The following CHD6 variants were observed in gnomAD, a reference collection of about 807,000 sequenced individuals.
CHD6 encodes the protein chromodomain helicase DNA binding protein 6.
Under a neutral mutation model 276.9 loss-of-function variants are expected in CHD6, and 50 were observed. That is an observed-to-expected ratio of 0.18 (90% confidence interval 0.14 to 0.23). CHD6 has a LOEUF of 0.23. CHD6 is among the 10% of genes least tolerant of loss of function. The pLI is 1.00. For missense variants in CHD6, 2,564 were observed against 3,365.8 expected (o/e 0.76, Z 5.89); for synonymous variants, 1,173 against 1,229.3 (o/e 0.95, Z 0.96).
intron 1 of CHD6, among the ~76,000 whole-genome samples, chr20:41,585,573 T>C (rs2146246084): frequency 6.7e-6 from 1 of 149,730 alleles, no homozygotes; most frequent in Admixed American, 6.6e-5. Flanking sequence ...TGAAAGATGG[T>C]AAATTTACAG....
Position 41,455,787 on chromosome 20 carries a change from GA to G in CHD6, c.3009+12del. 1 of 1,511,914 alleles carries G rather than the reference GA, an allele frequency of 6.6e-7. No individual in the cohort carries two copies. Among genetic ancestry groups the G allele is most frequent in the Non-Finnish European group, 8.9e-7 (1 of 1,128,340 alleles). The allele number at this position is 1,511,914 out of a possible 1,614,324, so 93.7% of individuals were successfully genotyped here. A position where few individuals can be genotyped will look rare whatever the true frequency, so the allele number is the denominator to read the frequency against. ...CTCCCACCCCCAACAGCTCTGGAGA[GA>G]AGGCCCTGTACCTTGGCAAAAGTGG... On this transcript the variant is annotated intron_variant, in intron 19 of 36. Transcript: ENST00000373233.
At chr20:41,585,227 G>A (rs1358205444) in intron 1 of CHD6, among the ~76,000 whole-genome samples, 1 of 152,202 alleles carries the variant, frequency 6.6e-6, no homozygotes, top group Non-Finnish European at 1.5e-5. Flanking sequence ...AGAGTAGCCA[G>A]GTGTGGTGGC....
chr20:41,526,896 C>T (rs2044552197), intron 3 of CHD6, among the ~76,000 whole-genome samples: 1 of 152,128 alleles, frequency 6.6e-6, no homozygotes. Flanking sequence ...TGGGTTCCAC[C>T]CCAGACCTAA....
intron 16 of CHD6, among the ~76,000 whole-genome samples, chr20:41,479,161 T>TA (rs1413859170): frequency 1.3e-5 from 2 of 152,004 alleles, no homozygotes; most frequent in African/African-American, 2.4e-5. Context: ...AAAGGGTTTT[T>TA]AAAAAAACAG....
intron 1 of CHD6, among the ~76,000 whole-genome samples, chr20:41,574,904 C>T (rs1332257391): frequency 6.6e-6 from 1 of 152,150 alleles, no homozygotes; most frequent in Non-Finnish European, 1.5e-5. Context: ...ACAAAAGGAT[C>T]GAAGGCTACA....
At chr20:41,614,236 T>C (rs1363818092) in intron 1 of CHD6, among the ~76,000 whole-genome samples, 1 of 152,198 alleles carries the variant, frequency 6.6e-6, no homozygotes, top group Non-Finnish European at 1.5e-5. Flanking sequence ...TCTACTTATG[T>C]TTGGATTCCT....
At chr20:41,511,948 G>A (rs1353055588) in intron 5 of CHD6, among the ~76,000 whole-genome samples, 6 of 149,194 alleles carry the variant, frequency 4.0e-5, no homozygotes, top group African/African-American at 1.3e-4. Flanking sequence ...ACTTAACAGC[G>A]ATTTATTATA....
At chr20:41,509,589 G>A (rs945017307) in intron 5 of CHD6, among the ~76,000 whole-genome samples, 10 of 152,126 alleles carry the variant, frequency 6.6e-5, no homozygotes, top group African/African-American at 2.4e-4. Flanking sequence ...CAGACACAGA[G>A]CACAGCACAG....
At chr20:41,447,857 A>G in intron 24 of CHD6, 25 bp downstream of exon 24, 1 of 1,523,004 alleles carries the variant, frequency 6.6e-7, no homozygotes, top group Non-Finnish European at 9.1e-7. Flanking sequence ...TTTAACGTTG[A>G]TATGTTAAGT....
chr20:41,454,977 G>A (rs371655087), intron 19 of CHD6, among the ~76,000 whole-genome samples: 29 of 152,218 alleles, frequency 1.9e-4, no homozygotes, highest in African/African-American at 6.5e-4. Context: ...TGGAGCTTAA[G>A]CTTGGAAGCA....
Position 41,518,053 on chromosome 20 carries a change from GCT to G in CHD6, c.555-3103_555-3102del, listed in dbSNP as rs750126929. ...TCATAGATGTTGATAGTTTTTTATA[GCT>G]CTCTTAGAAAAAGGTTTCTTTGACA... On this transcript the variant is annotated intron_variant, in intron 3 of 36. Transcript: ENST00000373233. 4.5e-4 allele frequency among the ~76,000 whole-genome samples: 69 copies of G among 152,068 alleles called. 1 individual carries two copies. The highest frequency in any genetic ancestry group is 8.5e-4 in the Non-Finnish European group (58 of 68,016).
intron 32 of CHD6, 65 bp downstream of exon 32, chr20:41,417,132 TA>T (rs1231320804): frequency 9.6e-6 from 14 of 1,453,202 alleles, no homozygotes; most frequent in African/African-American, 2.8e-5. Flanking sequence ...CTAAAAGGGT[TA>T]AAAAAAGCAA....
At position 41,489,765 on chromosome 20, in the gene CHD6, A is replaced by T; in HGVS notation, c.1680+13T>A. The stretch of plus-strand genomic sequence containing the variant: ...AGGCAGTCCCTGGGTCTCTGATCTC[A>T]CGTGAGGCTCACCTGGGCGTCTCTG... On this transcript the variant is annotated intron_variant, in intron 12 of 36. Transcript: ENST00000373233. 6.2e-7 allele frequency: 1 copy of T among 1,613,594 alleles called. No individual in the cohort carries two copies. Among genetic ancestry groups the T allele is most frequent in the Non-Finnish European group, 8.5e-7 (1 of 1,179,590 alleles).
chr20:41,534,577 T>TG (rs1491044529), intron 2 of CHD6, among the ~76,000 whole-genome samples: 2 of 119,228 alleles, frequency 1.7e-5, no homozygotes, highest in Non-Finnish European at 1.7e-5. Context: ...GAAAGATTTT[T>TG]GGGGGGGCGG....
Position 41,493,840 on chromosome 20 carries a change from G to A in CHD6, c.1179+18C>T. On this transcript the variant is annotated intron_variant, in intron 9 of 36. Coordinates refer to ENST00000373233, the MANE Select transcript of CHD6 (RefSeq NM_032221.5). ...CGTGGAAAGAAGGGAAGATGCTTCA[G>A]GAGAGGCAAATACCCACCTCCCCTG... 1 of 1,606,596 alleles carries A rather than the reference G, an allele frequency of 6.2e-7. No individual in the cohort carries two copies. The highest frequency in any genetic ancestry group is 1.1e-5 in the South Asian group (1 of 90,852).
intron 1 of CHD6, among the ~76,000 whole-genome samples, chr20:41,563,410 G>A (rs1438795166): frequency 6.6e-6 from 1 of 152,102 alleles, no homozygotes; most frequent in Admixed American, 6.5e-5. Context: ...ATGATATAAA[G>A]GTATAAACTA....
intron 17 of CHD6, among the ~76,000 whole-genome samples, chr20:41,469,996 C>T (rs1185034521): frequency 6.6e-6 from 1 of 152,184 alleles, no homozygotes; most frequent in Non-Finnish European, 1.5e-5. Context: ...ATGTCAGCGT[C>T]CCAGCCTCCA....
chr20:41,557,939 A>G (rs2045258555), intron 1 of CHD6, among the ~76,000 whole-genome samples: 1 of 152,210 alleles, frequency 6.6e-6, no homozygotes, highest in African/African-American at 2.4e-5. Flanking sequence ...CTCTAACAAC[A>G]GCAGGCATAA....
At position 41,404,588 on chromosome 20, in the gene CHD6, A is replaced by G; in HGVS notation, c.*5T>C. On this transcript the variant is annotated 3_prime_UTR_variant, in exon 37 of 37. Coordinates refer to ENST00000373233, the MANE Select transcript of CHD6 (RefSeq NM_032221.5). ...GTCACAATAATTTCTTAAATGAAAA[A>G]AGTTCTAATTGGTGTCGTTGTTGGA... is the stretch of plus-strand genomic sequence containing the variant. 1 of 1,468,292 alleles carries G rather than the reference A, an allele frequency of 6.8e-7. No homozygotes were observed. Among genetic ancestry groups the G allele is most frequent in the Admixed American group, 2.4e-5 (1 of 42,294 alleles). The allele number at this position is 1,468,292 out of a possible 1,614,324, so 91.0% of individuals were successfully genotyped here. A position where few individuals can be genotyped will look rare whatever the true frequency, so the allele number is the denominator to read the frequency against.
Sources: gnomAD v4.1 joint callset for allele counts (sites outside exome capture counted in the v4.1 genomes callset) on GRCh38, gnomAD v4.1.1 for gene constraint, MANE v1.5 for transcripts, NCBI Gene and HGNC (gene_info 2026-07-23, HGNC 2026-07-21) for gene names.